COL8A1: variants seen among roughly 807,000 people sequenced by gnomAD.
COL8A1 encodes the protein collagen type VIII alpha 1 chain.
In COL8A1, 21 loss-of-function variants were observed where a neutral mutation model predicts 42.7. That is an observed-to-expected ratio of 0.49 (90% CI 0.35 to 0.71). COL8A1 has a LOEUF of 0.71. COL8A1 is among the 30% of genes least tolerant of loss of function. The probability of loss-of-function intolerance (pLI) is 0.01; values close to 1 mark genes in which losing one functional copy is unlikely to be tolerated. For synonymous variants in COL8A1, 367 were observed against 369.1 expected, an observed-to-expected ratio of 0.99 and a Z score of 0.06; for missense variants, 788 against 962.4, an observed-to-expected ratio of 0.82 and a Z score of 2.40.
At chr3:99,719,344 C>G (rs1397463856) in intron 1 of COL8A1, among the ~76,000 whole-genome samples, 1 of 151,914 alleles carries the variant, frequency 6.6e-6, no homozygotes, top group Non-Finnish European at 1.5e-5. Context: ...ATATTTCAAC[C>G]AAAAGGAGTT....
At chr3:99,780,480 T>A (rs1039986873) in intron 2 of COL8A1, among the ~76,000 whole-genome samples, 2 of 152,138 alleles carry the variant, frequency 1.3e-5, no homozygotes, top group Admixed American at 1.3e-4. Context: ...TACAGTTTAG[T>A]AAAGGAGGCC....
chr3:99,682,309 C>G (rs995471698), intron 1 of COL8A1, among the ~76,000 whole-genome samples: 3 of 152,046 alleles, frequency 2.0e-5, no homozygotes, highest in African/African-American at 7.2e-5. Flanking sequence ...CCCAGCTACT[C>G]GGGAGTCTGA....
intron 1 of COL8A1, among the ~76,000 whole-genome samples, chr3:99,644,408 T>G (rs1201265852): frequency 2.0e-5 from 3 of 152,148 alleles, no homozygotes; most frequent in Non-Finnish European, 4.4e-5. Flanking sequence ...ACAACACAAT[T>G]ATTGGTAACA....
chr3:99,648,005 T>TA (rs761653993), intron 1 of COL8A1, among the ~76,000 whole-genome samples: 1 of 152,192 alleles, frequency 6.6e-6, no homozygotes, highest in Non-Finnish European at 1.5e-5. Flanking sequence ...AAGTAGCTCA[T>TA]AGTCATCTAA....
rs1942151564 is a variant in COL8A1 at position 99,799,188 on chromosome 3, GA to G, written c.*3057del. On this transcript the variant is annotated 3_prime_UTR_variant, in exon 4 of 4. Coordinates refer to ENST00000652472, the MANE Select transcript of COL8A1 (RefSeq NM_020351.4). ...TGTATTTAAATTTTTGTACTGATTT[GA>G]AAAACATCATTAAATATCTTTAAAA... 6.6e-6 allele frequency: 1 copy of G among 152,164 alleles called. No individual in the cohort carries two copies. The highest frequency in any genetic ancestry group is 2.4e-5 in the African/African-American group (1 of 41,450). The allele number at this position is 152,164 out of a possible 1,614,324, so 9.4% of individuals were successfully genotyped here.
At chr3:99,679,092 A>G (rs909978101) in intron 1 of COL8A1, 3 of 152,214 alleles carry the variant, frequency 2.0e-5, no homozygotes, top group African/African-American at 7.2e-5. Context: ...TTATTTCACT[A>G]AAGCTTTCAG....
chr3:99,663,558 T>C (rs1938272812), intron 1 of COL8A1, among the ~76,000 whole-genome samples: 1 of 152,162 alleles, frequency 6.6e-6, no homozygotes, highest in Non-Finnish European at 1.5e-5. Context: ...CTCTATAAAT[T>C]TACCAAATTC....
At chr3:99,649,513 T>A (rs1216440344) in intron 1 of COL8A1, among the ~76,000 whole-genome samples, 1 of 152,214 alleles carries the variant, frequency 6.6e-6, no homozygotes. Context: ...GAAGCCTTGA[T>A]GTGATTGGGG....
chr3:99,758,833 G>A lies in COL8A1; in HGVS notation c.-4+13812G>A, dbSNP rs552910200. ...CACCTACCACTGAGACTGGAACCTG[G>A]TAGACACTCAATGAATATTTAGTGA... On this transcript the variant is annotated intron_variant, in intron 2 of 3. Coordinates refer to ENST00000652472, the MANE Select transcript of COL8A1 (RefSeq NM_020351.4). Among the ~76,000 whole-genome samples, 321 of 152,106 alleles carry A rather than the reference G, an allele frequency of 2.1e-3. 3 individuals are homozygous for A. Among genetic ancestry groups the A allele is most frequent in the African/African-American group, 7.5e-3 (310 of 41,512 alleles).
intron 1 of COL8A1, among the ~76,000 whole-genome samples, chr3:99,697,982 A>G (rs745458945): frequency 1.3e-5 from 2 of 151,764 alleles, no homozygotes; most frequent in Non-Finnish European, 2.9e-5. Flanking sequence ...TCACCCACTG[A>G]TAGGCCCCGG....
At chr3:99,691,109 T>C (rs1287872962) in intron 1 of COL8A1, among the ~76,000 whole-genome samples, 1 of 152,170 alleles carries the variant, frequency 6.6e-6, no homozygotes, top group African/African-American at 2.4e-5. Context: ...TGCACGAATT[T>C]CTAGAACCAA....
chr3:99,780,399 C>T (rs1316823267), intron 2 of COL8A1, among the ~76,000 whole-genome samples: 1 of 152,212 alleles, frequency 6.6e-6, no homozygotes, highest in Non-Finnish European at 1.5e-5. Flanking sequence ...CTCATTCATG[C>T]CCCTCGCTAC....
chr3:99,713,964 GA>G (rs1939918777), intron 1 of COL8A1, among the ~76,000 whole-genome samples: 1 of 152,070 alleles, frequency 6.6e-6, no homozygotes. Context: ...GCTCTGATGA[GA>G]GGGGAGGAGA....
chr3:99,663,730 G>GGA (rs1311740086), intron 1 of COL8A1, among the ~76,000 whole-genome samples: 2 of 152,132 alleles, frequency 1.3e-5, no homozygotes, highest in South Asian at 2.1e-4. Flanking sequence ...TTTTTCCCAT[G>GGA]GAGAGAGAGA....
At chr3:99,724,111 T>C (rs914967146) in intron 1 of COL8A1, among the ~76,000 whole-genome samples, 1 of 152,106 alleles carries the variant, frequency 6.6e-6, no homozygotes, top group African/African-American at 2.4e-5. Context: ...GTGACCGTCC[T>C]TGACAATAAT....
At chr3:99,640,613 C>T (rs1363380170) in intron 1 of COL8A1, among the ~76,000 whole-genome samples, 1 of 152,192 alleles carries the variant, frequency 6.6e-6, no homozygotes, top group African/African-American at 2.4e-5. Context: ...GACCGTTAAA[C>T]AGTAACTGCC....
intron 1 of COL8A1, among the ~76,000 whole-genome samples, chr3:99,642,401 C>A (rs532584334): frequency 6.6e-6 from 1 of 152,198 alleles, no homozygotes; most frequent in Admixed American, 6.5e-5. Flanking sequence ...TCAGATCAAA[C>A]TGAAGTGAAT....
chr3:99,783,497 A>G (rs753582345), intron 2 of COL8A1, among the ~76,000 whole-genome samples: 1 of 152,262 alleles, frequency 6.6e-6, no homozygotes, highest in Non-Finnish European at 1.5e-5. Flanking sequence ...GGTCTTGCCC[A>G]CTGCCTCCAT....
chr3:99,673,660 A>C (rs1179016901), intron 1 of COL8A1, among the ~76,000 whole-genome samples: 3 of 152,014 alleles, frequency 2.0e-5, no homozygotes, highest in African/African-American at 7.2e-5. Context: ...CTCTGATTGT[A>C]AGATAATTAT....
Sources: allele counts gnomAD v4.1 joint callset (sites outside exome capture counted in the v4.1 genomes callset), GRCh38; gene constraint gnomAD v4.1.1; transcripts MANE v1.5; gene names NCBI Gene and HGNC (gene_info 2026-07-23, HGNC 2026-07-21).